The following PHACTR4 variants were observed in gnomAD, a reference collection of about 807,000 sequenced individuals.
PHACTR4 encodes the protein protein phosphatase 1, regulatory subunit 124.
In PHACTR4, 51 loss-of-function variants were observed where a neutral mutation model predicts 72.7. The observed-to-expected ratio is 0.70, with a 90% CI of 0.56 to 0.89. The LOEUF (loss-of-function observed/expected upper bound fraction) is 0.89, where lower values mean the gene tolerates loss of function less well. Ranked by LOEUF, PHACTR4 falls within the 40% of genes least tolerant of loss-of-function variation. PHACTR4 has a pLI of 0.00. For synonymous variants in PHACTR4, 255 were observed against 302.5 expected (o/e 0.84, Z 1.63); for missense variants, 731 against 861.8 (o/e 0.85, Z 1.90).
At chr1:28,482,792 T>A (rs1222049125) in intron 9 of PHACTR4, among the ~76,000 whole-genome samples, 1 of 151,680 alleles carries the variant, frequency 6.6e-6, no homozygotes, top group Non-Finnish European at 1.5e-5. Flanking sequence ...ATTAAAAAAT[T>A]AGCTGGGCAT....
chr1:28,391,012 A>G (rs1434502987), intron 1 of PHACTR4, among the ~76,000 whole-genome samples: 1 of 147,018 alleles, frequency 6.8e-6, no homozygotes, highest in Non-Finnish European at 1.5e-5. Flanking sequence ...GGAAGATCTC[A>G]CCTGAGCCCA....
chr1:28,400,855 C>G (rs1302261130), intron 1 of PHACTR4, among the ~76,000 whole-genome samples: 1 of 152,190 alleles, frequency 6.6e-6, no homozygotes, highest in Admixed American at 6.5e-5. Context: ...GCTGGGATTA[C>G]AGGCATGAGC....
chr1:28,398,906 G>A (rs1292387930), intron 1 of PHACTR4, among the ~76,000 whole-genome samples: 2 of 152,158 alleles, frequency 1.3e-5, no homozygotes, highest in African/African-American at 4.8e-5. Flanking sequence ...TCTCAAATAT[G>A]TATGTTTTGT....
At chr1:28,401,869 G>A (rs554245763) in intron 1 of PHACTR4, among the ~76,000 whole-genome samples, 5 of 152,270 alleles carry the variant, frequency 3.3e-5, no homozygotes, top group East Asian at 1.9e-4. Flanking sequence ...AAAGTACTGC[G>A]ATTATAGCCA....
At chr1:28,446,994 G>C (rs996799007) in intron 2 of PHACTR4, among the ~76,000 whole-genome samples, 1 of 138,872 alleles carries the variant, frequency 7.2e-6, no homozygotes, top group African/African-American at 3.2e-5. Context: ...CCAGTCTCAG[G>C]TATTTCTTTT....
intron 1 of PHACTR4, among the ~76,000 whole-genome samples, chr1:28,380,050 A>ATTTTTTTTTTT (rs1405487346): frequency 7.8e-6 from 1 of 128,078 alleles, no homozygotes. Flanking sequence ...TTTAAATGTA[A>ATTTTTTTTTTT]CTTTTTTTTT....
At chr1:28,483,443 T>C (rs1370984399) in intron 9 of PHACTR4, among the ~76,000 whole-genome samples, 2 of 150,948 alleles carry the variant, frequency 1.3e-5, no homozygotes, top group African/African-American at 4.9e-5. Context: ...AGCAAAACCT[T>C]GTCTCAAAAA....
intron 2 of PHACTR4, among the ~76,000 whole-genome samples, chr1:28,416,108 C>T (rs1173860472): frequency 2.6e-5 from 4 of 152,146 alleles, no homozygotes; most frequent in African/African-American, 9.7e-5. Context: ...CCTCCCTCCT[C>T]TTTAAGAATG....
At chr1:28,460,890 C>T (rs1658753339) in intron 4 of PHACTR4, among the ~76,000 whole-genome samples, 2 of 151,910 alleles carry the variant, frequency 1.3e-5, no homozygotes, top group South Asian at 4.2e-4. Flanking sequence ...GTGTTCTGCC[C>T]ACCTCGGCCT....
In PHACTR4 at chr1:28,444,782, A is replaced by ATT. The variant is rs577693546; in HGVS notation, c.17-14286_17-14285dup. Among the ~76,000 whole-genome samples the ATT allele has an allele frequency of 3.9e-3, 450 of 116,680 alleles. 4 individuals are homozygous for ATT. The highest frequency in any genetic ancestry group is 0.015 in the African/African-American group (416 of 27,528). The allele number at this position is 116,680 out of a possible 152,430, so 76.5% of individuals were successfully genotyped here. On this transcript the variant is annotated intron_variant, in intron 2 of 13. Coordinates refer to ENST00000373839, the MANE Select transcript of PHACTR4 (RefSeq NM_001048183.3). ...AGGCGCCTGCCACCGCACCCAGCTA[A>ATT]TTTTTTTTTTTTTTTTTTGTATTTT... is the stretch of plus-strand genomic sequence containing the variant.
At chr1:28,486,152 T>C (rs1478237842) in intron 9 of PHACTR4, among the ~76,000 whole-genome samples, 2 of 151,862 alleles carry the variant, frequency 1.3e-5, no homozygotes, top group African/African-American at 2.4e-5. Context: ...AGGTTGGGAG[T>C]TCGAGACCAG....
At chr1:28,484,502 ATATATATGTGTGTATGTG>A (rs1446376344) in intron 9 of PHACTR4, among the ~76,000 whole-genome samples, 17 of 150,922 alleles carry the variant, frequency 1.1e-4, no homozygotes, top group African/African-American at 2.9e-4. Context: ...GTGTATGTGT[ATATATATGTGTGTATGTG>A]TATATATGTG....
chr1:28,386,308 G>A (rs897462635), intron 1 of PHACTR4, among the ~76,000 whole-genome samples: 2 of 151,912 alleles, frequency 1.3e-5, no homozygotes, highest in Non-Finnish European at 2.9e-5. Context: ...TGGCCAGGCT[G>A]GTCTTGAACT....
At chr1:28,388,579 C>T (rs568908395) in intron 1 of PHACTR4, among the ~76,000 whole-genome samples, 9 of 152,292 alleles carry the variant, frequency 5.9e-5, no homozygotes, top group Admixed American at 4.6e-4. Flanking sequence ...TGGCTGGGCA[C>T]GGTGGCTCAC....
At chr1:28,448,590 A>T (rs1657654706) in intron 2 of PHACTR4, among the ~76,000 whole-genome samples, 1 of 86,910 alleles carries the variant, frequency 1.2e-5, no homozygotes, top group Admixed American at 1.1e-4. Context: ...ATCTCTACTT[A>T]AAAAAAAAAA....
chr1:28,443,971 G>A (rs985817366), intron 2 of PHACTR4, among the ~76,000 whole-genome samples: 5 of 151,628 alleles, frequency 3.3e-5, no homozygotes, highest in Admixed American at 6.6e-5. Flanking sequence ...ATATGGTAGC[G>A]CTATTTGTAG....
intron 1 of PHACTR4, 150 bp from the exon 2 acceptor site, chr1:28,407,260 A>AG (rs1654407056): frequency 2.4e-6 from 1 of 416,066 alleles, no homozygotes; most frequent in South Asian, 5.9e-5. Context: ...AAAAAAAAAA[A>AG]AAAACTATCA....
At position 28,466,510 on chromosome 1, in the gene PHACTR4, G is replaced by A. The variant is rs1169201028; in HGVS notation, c.565G>A (p.Ala189Thr). 6.2e-7 allele frequency: 1 copy of A among 1,613,986 alleles called. No individual in the cohort carries two copies. The highest frequency in any genetic ancestry group is 2.2e-5 in the East Asian group (1 of 44,892). The stretch of plus-strand genomic sequence containing the variant: ...AGCAAGTGAAGGGCAAGCAAAGGAT[G>A]CCACTTCCTCTGGCGGCACGGCAAG... Reference protein sequence around the residue: ...HEASEGQAKDATSSGGTARFI... With the variant: ...HEASEGQAKDTTSSGGTARFI... The change falls in exon 6 of 14, where the codon GCC becomes ACC. Residue 189 changes from alanine to threonine, a missense_variant. Around this residue, in one of 2 missense-constraint regions of PHACTR4, gnomAD observed 621 missense variants for 676.6 expected, o/e 0.92. Transcript: ENST00000373839.
chr1:28,383,713 T>G (rs1652361225), intron 1 of PHACTR4, among the ~76,000 whole-genome samples: 2 of 152,212 alleles, frequency 1.3e-5, no homozygotes, highest in South Asian at 4.1e-4. Context: ...TATCCTGAAA[T>G]TTTGCTGAAG....
Sources: gnomAD v4.1 joint callset for allele counts (sites outside exome capture counted in the v4.1 genomes callset) on GRCh38, gnomAD v4.1.1 for gene constraint, gnomAD v4.1.1 regional missense constraint, MANE v1.5 for transcripts, NCBI Gene and HGNC (gene_info 2026-07-23, HGNC 2026-07-21) for gene names.